NXN: variants seen among roughly 807,000 people sequenced by gnomAD.
The protein encoded by NXN is nucleoredoxin.
NXN carries 16 observed loss-of-function variants against 48.6 expected under a neutral mutation model. The observed-to-expected ratio is 0.33, with a 90% confidence interval of 0.22 to 0.50. The LOEUF is 0.50. Among genes scored for constraint, NXN ranks in the 20% least tolerant of loss-of-function variants. The pLI, the probability that NXN is intolerant of heterozygous loss-of-function variation, is 0.98. For synonymous variants in NXN, 281 were observed against 269.6 expected (o/e 1.04, Z -0.41); for missense variants, 492 against 605.5 (o/e 0.81, Z 1.97).
chr17:812,176 C>G lies in NXN; in HGVS notation c.821-6929G>C, dbSNP rs982092562. On this transcript the variant is annotated intron_variant, in intron 5 of 7. Coordinates refer to ENST00000336868, the MANE Select transcript of NXN (RefSeq NM_022463.5). The stretch of plus-strand genomic sequence containing the variant: ...TCTCCTGACCTCGTGATCCGCCCGC[C>G]TCGGCCTCCCAAAGTGCTGGGATTA... Among the ~76,000 whole-genome samples, 7 of 151,926 alleles carry G rather than the reference C, an allele frequency of 4.6e-5. 2 individuals are homozygous for G. Among genetic ancestry groups the G allele is most frequent in the African/African-American group, 1.7e-4 (7 of 41,378 alleles).
At position 805,123 on chromosome 17, in the gene NXN, G is replaced by A; in HGVS notation, c.945C>T (p.Leu315=). The change falls in exon 6 of 8, where the codon CTC becomes CTT. Residue 315 remains leucine, a synonymous_variant. Transcript: ENST00000336868. ...FPWHPKPVLE[L]SDSNAAQLNE... is the part of the protein sequence containing the mutation. ...TAAGCTGCGCGGCGTTGGAGTCGGA[G>A]AGCTCCAGCACGGGCTTGGGGTGCC... The A allele has an allele frequency of 6.2e-7, 1 of 1,610,474 alleles. No individual in the cohort carries two copies. Among genetic ancestry groups the A allele is most frequent in the Non-Finnish European group, 8.5e-7 (1 of 1,178,972 alleles).
intron 1 of NXN, among the ~76,000 whole-genome samples, chr17:887,881 C>G (rs576892036): frequency 1.3e-5 from 2 of 152,318 alleles, no homozygotes; most frequent in South Asian, 4.1e-4. Flanking sequence ...GCTTCAGCGT[C>G]ACGGAGGCCT....
At chr17:942,365 T>A (rs1184371199) in intron 1 of NXN, among the ~76,000 whole-genome samples, 2 of 20,628 alleles carry the variant, frequency 9.7e-5, no homozygotes, top group African/African-American at 1.9e-4. Context: ...TGAACTCACA[T>A]CACACCTTCC....
Position 800,937 on chromosome 17 carries a change from G to A in NXN, c.*12C>T. The A allele has an allele frequency of 2.1e-6, 3 of 1,429,430 alleles. No homozygotes were observed. The highest frequency in any genetic ancestry group is 2.8e-6 in the Non-Finnish European group (3 of 1,080,036). The allele number at this position is 1,429,430 out of a possible 1,614,324, so 88.5% of individuals were successfully genotyped here. ...TGAGTTTTAAATAACGTCTCAGGAG[G>A]CCGGAGCCACGCTAGATGGGCTCCG... is the stretch of plus-strand genomic sequence containing the variant. On this transcript the variant is annotated 3_prime_UTR_variant, in exon 8 of 8. Coordinates refer to ENST00000336868, the MANE Select transcript of NXN (RefSeq NM_022463.5).
rs1257633123 is a variant in NXN, at chr17:958,251, G to T, written c.360+21068C>A. On this transcript the variant is annotated intron_variant, in intron 1 of 7. Coordinates refer to ENST00000336868, the MANE Select transcript of NXN (RefSeq NM_022463.5). The surrounding 1 kb of genome is among the most constrained non-coding windows in gnomAD (Gnocchi z 6.9). Reference sequence around the variant, plus strand: ...TGGCTGCCAGCTTGTCCCTTCCCCGGTGCCTCTGCCCAACAAGACATGACG... The same window carrying T: ...TGGCTGCCAGCTTGTCCCTTCCCCGTTGCCTCTGCCCAACAAGACATGACG... Among the ~76,000 whole-genome samples the T allele has an allele frequency of 6.6e-6, 1 of 152,122 alleles. No individual in the cohort carries two copies. The highest frequency in any genetic ancestry group is 1.9e-4 in the East Asian group (1 of 5,194).
chr17:948,702 TCAC>T (rs963863288), intron 1 of NXN, among the ~76,000 whole-genome samples: 28 of 151,940 alleles, frequency 1.8e-4, no homozygotes, highest in African/African-American at 6.0e-4. Context: ...ACGCGGGGCC[TCAC>T]CCCGGCCCGT....
chr17:902,897 G>A (rs1021894252), intron 1 of NXN, among the ~76,000 whole-genome samples: 1 of 151,412 alleles, frequency 6.6e-6, no homozygotes, highest in African/African-American at 2.4e-5. Flanking sequence ...TCCTGCCTCA[G>A]CTTCCCAGGT....
chr17:806,929 C>T lies in NXN; in HGVS notation c.821-1682G>A, dbSNP rs1043569805. On this transcript the variant is annotated intron_variant, in intron 5 of 7. Coordinates refer to ENST00000336868, the MANE Select transcript of NXN (RefSeq NM_022463.5). ...CATCACACACACTCACATACACACA[C>T]ACACACACACACACACACGCACGCG... Among the ~76,000 whole-genome samples, 27 of 149,892 alleles carry T rather than the reference C, an allele frequency of 1.8e-4. No individual in the cohort carries two copies. In the East Asian group the frequency reaches 5.3e-3, roughly 29 times the overall value.
chr17:845,663 C>G (rs752936483), intron 1 of NXN, among the ~76,000 whole-genome samples: 1 of 152,240 alleles, frequency 6.6e-6, no homozygotes, highest in Non-Finnish European at 1.5e-5. Context: ...CAGCTGGATG[C>G]TGATGTGTGC....
At chr17:866,309 G>A (rs1167405210) in intron 1 of NXN, among the ~76,000 whole-genome samples, 2 of 152,122 alleles carry the variant, frequency 1.3e-5, no homozygotes, top group Admixed American at 6.6e-5. Flanking sequence ...AAGGCTGGGC[G>A]CAGTGGCTCA....
intron 1 of NXN, among the ~76,000 whole-genome samples, chr17:881,640 C>T (rs1290073737): frequency 1.3e-5 from 2 of 152,112 alleles, no homozygotes; most frequent in East Asian, 1.9e-4. Flanking sequence ...AGTATTTACC[C>T]AAGATAATTT....
intron 1 of NXN, among the ~76,000 whole-genome samples, chr17:960,604 G>A (rs2069224937): frequency 2.5e-5 from 1 of 40,466 alleles, no homozygotes. Context: ...TCAGCATCCT[G>A]AGTAGCTGAA....
At chr17:896,796 A>C (rs1483015646) in intron 1 of NXN, 4 of 1,063,174 alleles carry the variant, frequency 3.8e-6, no homozygotes, top group Non-Finnish European at 4.7e-6. Flanking sequence ...AATTCTCTAC[A>C]ATAGACACTT....
intron 5 of NXN, among the ~76,000 whole-genome samples, chr17:813,652 T>C (rs1912297838): frequency 6.6e-6 from 1 of 152,228 alleles, no homozygotes; most frequent in South Asian, 2.1e-4. Context: ...GGTATTTAAC[T>C]TCAGCATTTT....
intron 1 of NXN, among the ~76,000 whole-genome samples, chr17:974,347 T>C (rs1359316469): frequency 6.6e-6 from 1 of 151,780 alleles, no homozygotes; most frequent in Non-Finnish European, 1.5e-5. Context: ...CGAGACTCCA[T>C]CTCAAAAAAG....
chr17:879,274 GTTTTTGGT>G (rs2068256446), intron 1 of NXN, among the ~76,000 whole-genome samples: 1 of 18,830 alleles, frequency 5.3e-5, no homozygotes, highest in South Asian at 1.8e-3. Flanking sequence ...TTTTGGTTTG[GTTTTTGGT>G]TTTTGGTTTT....
chr17:817,671 GAAA>G (rs1230474649), intron 5 of NXN, among the ~76,000 whole-genome samples: 2 of 107,138 alleles, frequency 1.9e-5, no homozygotes. Context: ...TCCAATTCAG[GAAA>G]AAAAAAAAAA....
rs1414626928 is a variant in NXN, at chr17:857,038, CAATTT to C, written c.361-30965_361-30961del. ...CAGCAGCACCCCCACTTCTCGGTAC[CAATTT>C]ATTTCTGTCTGAATCCATTCAAGCT... On this transcript the variant is annotated intron_variant, in intron 1 of 7. Transcript: ENST00000336868. 2.0e-5 allele frequency among the ~76,000 whole-genome samples: 3 copies of C among 152,296 alleles called. No homozygotes were observed. The East Asian group carries it at 5.8e-4, about 29-fold the overall frequency.
At chr17:972,763 G>A (rs2069402054) in intron 1 of NXN, among the ~76,000 whole-genome samples, 1 of 152,248 alleles carries the variant, frequency 6.6e-6, no homozygotes, top group African/African-American at 2.4e-5. Flanking sequence ...CGGGTGCGGT[G>A]GCTCACGCCT....
Sources: gnomAD v4.1 joint callset for allele counts (sites outside exome capture counted in the v4.1 genomes callset) on GRCh38, gnomAD v4.1.1 for gene constraint, Gnocchi (gnomAD v3.1) non-coding constraint, MANE v1.5 for transcripts, NCBI Gene and HGNC (gene_info 2026-07-23, HGNC 2026-07-21) for gene names.